SLC11A2: variants seen among roughly 807,000 people sequenced by gnomAD.
The protein encoded by SLC11A2 is natural resistance-associated macrophage protein 2.
A neutral mutation model predicts 68.0 loss-of-function variants in SLC11A2; 38 were observed. The observed-to-expected ratio is 0.56, with a 90% confidence interval of 0.43 to 0.73. The LOEUF is 0.73. SLC11A2 is among the 30% of genes least tolerant of loss of function. The probability of loss-of-function intolerance (pLI) is 0.00; values close to 1 mark genes in which losing one functional copy is unlikely to be tolerated. For missense variants in SLC11A2, 517 were observed against 690.5 expected (o/e 0.75, Z 2.82); for synonymous variants, 242 against 250.6 (o/e 0.97, Z 0.32).
At chr12:50,956,308 C>T in the SLC11A2 span, among the ~76,000 whole-genome samples, 1 of 152,154 alleles carries the variant, frequency 6.6e-6, no homozygotes, top group Non-Finnish European at 1.5e-5. Context: ...GGGAGAATCA[C>T]TTGAACTCAG....
intron 2 of SLC11A2, among the ~76,000 whole-genome samples, chr12:51,010,318 G>A (rs542086780): frequency 3.3e-5 from 5 of 152,104 alleles, no homozygotes; most frequent in Admixed American, 1.3e-4. Context: ...AGGCATTTGC[G>A]AACAGCCTGG....
intron 2 of SLC11A2, 132 bp downstream of exon 2, chr12:51,010,563 G>A (rs1447158775): frequency 8.4e-6 from 5 of 592,530 alleles, no homozygotes; most frequent in Non-Finnish European, 1.6e-5. Flanking sequence ...TCACCAGATG[G>A]TGACTTTTGA....
At chr12:50,960,748 T>C in the SLC11A2 span, among the ~76,000 whole-genome samples, 2 of 152,076 alleles carry the variant, frequency 1.3e-5, no homozygotes, top group African/African-American at 2.4e-5. Flanking sequence ...AGTGGTGCAA[T>C]CACAGCTCAC....
At chr12:51,016,477 C>T (rs113345764) in intron 1 of SLC11A2, among the ~76,000 whole-genome samples, 10,760 of 150,780 alleles carry the variant, frequency 0.071, 724 homozygotes, top group East Asian at 0.28. Flanking sequence ...AGGTCGAGAG[C>T]TTGAGACCAG....
At chr12:50,971,315 T>C in the SLC11A2 span, among the ~76,000 whole-genome samples, 8 of 152,244 alleles carry the variant, frequency 5.3e-5, no homozygotes, top group African/African-American at 1.9e-4. Context: ...AATGGTCATG[T>C]TGTTATATAA....
At chr12:51,009,137 A>G (rs1352359235) in intron 2 of SLC11A2, 7 of 1,518,598 alleles carry the variant, frequency 4.6e-6, no homozygotes, top group Non-Finnish European at 4.4e-6. Flanking sequence ...GACCGTGGAC[A>G]TTATACCTCC....
At chr12:50,981,851 A>G (rs766786208), downstream of SLC11A2, 14 of 1,136,188 alleles carry the variant, frequency 1.2e-5, no homozygotes, top group African/African-American at 2.2e-4. Context: ...TCACGTATTT[A>G]TTGAAATCAG....
At chr12:50,955,117 C>T in the SLC11A2 span, among the ~76,000 whole-genome samples, 10 of 152,286 alleles carry the variant, frequency 6.6e-5, no homozygotes, top group South Asian at 1.9e-3. Context: ...TAGGGTGAAA[C>T]CCCATCTCTA....
Position 51,011,782 on chromosome 12 carries a change from C to T in SLC11A2, c.-38-1016G>A, listed in dbSNP as rs1219884199. 2.0e-5 allele frequency among the ~76,000 whole-genome samples: 3 copies of T among 151,856 alleles called. No individual in the cohort carries two copies. The East Asian group carries it at 5.8e-4, about 29-fold the overall frequency. ...TTGACCATGTTGGCCACGCTGGTCTCAAAGTCCTGACCTCATGATCCGCCC... is the reference window on the plus strand; with the variant it reads ...TTGACCATGTTGGCCACGCTGGTCTTAAAGTCCTGACCTCATGATCCGCCC... On this transcript the variant is annotated intron_variant, in intron 1 of 15. Transcript: ENST00000262052.
chr12:51,017,344 A>G (rs1299796088), intron 1 of SLC11A2, among the ~76,000 whole-genome samples: 1 of 152,210 alleles, frequency 6.6e-6, no homozygotes, highest in Non-Finnish European at 1.5e-5. Context: ...ACAATCTCTA[A>G]AATATTACAT....
rs946003076 is a variant in SLC11A2 at position 50,986,881 on chromosome 12, G to C, written c.*1444C>G. 23 of 1,287,056 alleles carry C rather than the reference G, an allele frequency of 1.8e-5. 1 individual carries two copies. The highest frequency in any genetic ancestry group is 6.1e-5 in the African/African-American group (4 of 65,770). 79.7% of individuals were successfully genotyped at this position (1,287,056 alleles called of 1,614,324 possible). ...TGCAAGTATCAGTAATAATGCTTTT[G>C]GGGGCTCAGATGAACAGCGAACACC... On this transcript the variant is annotated 3_prime_UTR_variant, in exon 16 of 16. Transcript: ENST00000262052.
chr12:50,953,925 G>T, the SLC11A2 span: 1 of 842,794 alleles, frequency 1.2e-6, no homozygotes, highest in Non-Finnish European at 2.0e-6. Flanking sequence ...AGAGTATGAT[G>T]GGAGAGGAAA....
intron 7 of SLC11A2, 27 bp downstream of exon 7, chr12:50,999,318 T>C (rs1942006901): frequency 6.2e-7 from 1 of 1,610,062 alleles, no homozygotes; most frequent in Non-Finnish European, 8.5e-7. Context: ...GCAGCTCCTT[T>C]GACCCTCCCA....
intron 13 of SLC11A2, 124 bp downstream of exon 13, chr12:50,992,066 G>C: frequency 1.0e-6 from 1 of 991,992 alleles, no homozygotes; most frequent in Non-Finnish European, 1.6e-6. Context: ...ATTTACTGCA[G>C]ACCACAACCA....
Position 51,000,313 on chromosome 12 carries a change from C to G in SLC11A2, c.536G>C (p.Arg179Thr). The change falls in exon 6 of 16, where the codon AGA (arginine) becomes ACA (threonine). Residue 179 changes from arginine (R) to threonine (T), a missense_variant and splice_region_variant. Physicochemically the swap from Arg to Thr is moderately conservative, Grantham distance 71. Coordinates refer to ENST00000262052, the MANE Select transcript of SLC11A2 (RefSeq NM_000617.3). The stretch of plus-strand genomic sequence containing the variant: ...GACTTTCTAGAGGAAAACCCCTCAC[C>G]TTCCTACAGACAGAAGATTGATAGC... ...AIAINLLSVG[R>T]IPLWGGVLIT... 3 of 1,606,926 alleles carry G rather than the reference C, an allele frequency of 1.9e-6. No homozygotes were observed. Among genetic ancestry groups the G allele is most frequent in the Non-Finnish European group, 2.6e-6 (3 of 1,173,444 alleles).
chr12:50,992,189 C>T lies in SLC11A2; in HGVS notation c.1347+1G>A. 6.2e-7 allele frequency: 1 copy of T among 1,613,920 alleles called. No homozygotes were observed. The highest frequency in any genetic ancestry group is 8.5e-7 in the Non-Finnish European group (1 of 1,179,848). On this transcript the variant is annotated splice_donor_variant, in intron 13 of 15. Transcript: ENST00000262052. LOFTEE classifies it high-confidence loss of function. ...ATGTGTTTCCTCAGCTTCCTCCTCA[C>T]CTGTAAGCTCTGTAGAACATTCAGA...
At chr12:50,991,004 G>C (rs1227844490) in intron 14 of SLC11A2, 56 bp from the exon 15 acceptor site, 25 of 1,524,120 alleles carry the variant, frequency 1.6e-5, no homozygotes, top group Non-Finnish European at 4.6e-6. Context: ...GCCACAGACA[G>C]AAAAGGAAAC....
At chr12:50,961,460 G>A in the SLC11A2 span, among the ~76,000 whole-genome samples, 5,551 of 152,244 alleles carry the variant, frequency 0.036, 150 homozygotes, top group Non-Finnish European at 0.055. Flanking sequence ...AGCAGCGATC[G>A]TATTTCCCAG....
rs1308169090 is a variant in SLC11A2, at chr12:50,986,428, C to G, written c.*1897G>C. ...ATGCCATTTAATTGGAAGGAGTTTT[C>G]TATCATTGCAAGTCATAAATATAAC... On this transcript the variant is annotated 3_prime_UTR_variant, in exon 16 of 16. Coordinates refer to ENST00000262052, the MANE Select transcript of SLC11A2 (RefSeq NM_000617.3). 7.0e-6 allele frequency: 9 copies of G among 1,283,944 alleles called. No homozygotes were observed. Among genetic ancestry groups the G allele is most frequent in the African/African-American group, 4.6e-5 (3 of 65,686 alleles). 79.5% of individuals were successfully genotyped at this position (1,283,944 alleles called of 1,614,324 possible). A position where few individuals can be genotyped will look rare whatever the true frequency, so the allele number is the denominator to read the frequency against.
Sources: gnomAD v4.1 joint callset for allele counts (sites outside exome capture counted in the v4.1 genomes callset) on GRCh38, gnomAD v4.1.1 for gene constraint, MANE v1.5 for transcripts, NCBI Gene and HGNC (gene_info 2026-07-23, HGNC 2026-07-21) for gene names.